FUT8: variants seen among roughly 807,000 people sequenced by gnomAD.
The protein encoded by FUT8 is fucosyltransferase 8, also known as alpha-(1,6)-fucosyltransferase.
Under a neutral mutation model 71.3 loss-of-function variants are expected in FUT8, and 29 were observed. The ratio of observed to expected loss-of-function variants is 0.41; its 90% CI spans 0.30 to 0.55. The LOEUF is 0.55. Among genes scored for constraint, FUT8 ranks in the 20% least tolerant of loss-of-function variants. FUT8 has a pLI of 0.34. For missense variants in FUT8, 544 were observed against 702.1 expected (o/e 0.77, Z 2.55); for synonymous variants, 254 against 239.3 (o/e 1.06, Z -0.57).
chr14:65,432,470 G>A (rs1431096722), intron 1 of FUT8, among the ~76,000 whole-genome samples: 1 of 147,312 alleles, frequency 6.8e-6, no homozygotes, highest in Non-Finnish European at 1.5e-5. Context: ...TGTATTCCCC[G>A]TCAGATTCAT....
At chr14:65,465,651 T>C (rs576144089) in intron 2 of FUT8, among the ~76,000 whole-genome samples, 3 of 152,244 alleles carry the variant, frequency 2.0e-5, no homozygotes, top group Non-Finnish European at 4.4e-5. Context: ...GTGTGTCTAT[T>C]TGTATGGTGT....
intron 2 of FUT8, among the ~76,000 whole-genome samples, chr14:65,459,641 C>G (rs2065944016): frequency 9.9e-5 from 15 of 152,064 alleles, no homozygotes; most frequent in Admixed American, 8.5e-4. Context: ...TGCAATGTCT[C>G]CAGATAGCTG....
At chr14:65,647,481 T>C (rs1282569602) in intron 6 of FUT8, among the ~76,000 whole-genome samples, 1 of 152,210 alleles carries the variant, frequency 6.6e-6, no homozygotes, top group Non-Finnish European at 1.5e-5. Context: ...TTTCTTTCTC[T>C]GGGTTATAAA....
intron 2 of FUT8, among the ~76,000 whole-genome samples, chr14:65,481,745 G>A (rs2066334388): frequency 6.6e-6 from 1 of 151,872 alleles, no homozygotes; most frequent in African/African-American, 2.4e-5. Flanking sequence ...GTCCATTCCT[G>A]TGTTTATTTA....
At chr14:65,659,015 G>C (rs1891829652) in intron 6 of FUT8, among the ~76,000 whole-genome samples, 1 of 152,040 alleles carries the variant, frequency 6.6e-6, no homozygotes, top group South Asian at 2.1e-4. Context: ...TGTAAGTATA[G>C]TAACTCTCTG....
chr14:65,457,781 T>C (rs2065913354), intron 2 of FUT8: 2 of 152,224 alleles, frequency 1.3e-5, no homozygotes, highest in Admixed American at 6.5e-5. Flanking sequence ...TTCTAAGTCA[T>C]GAGTTGATTT....
chr14:65,495,245 TCTAA>T (rs2066541666), intron 2 of FUT8, among the ~76,000 whole-genome samples: 1 of 151,942 alleles, frequency 6.6e-6, no homozygotes, highest in African/African-American at 2.4e-5. Flanking sequence ...GCAAATCTTT[TCTAA>T]CTATGAAAGT....
rs1594663648 is a variant in FUT8, at chr14:65,467,643, A to AT, written c.-228+11931dup. Reference sequence around the variant, plus strand: ...AGGCGCCCATCACCACGCCCAGCTAATTTTTTGTATTTTTAGTAGAGAGGG... The same window carrying AT: ...AGGCGCCCATCACCACGCCCAGCTAATTTTTTTGTATTTTTAGTAGAGAGGG... On this transcript the variant is annotated intron_variant, in intron 2 of 10. Transcript: ENST00000673929. This position sits in a 1 kb window ranked among gnomAD's most constrained non-coding sequence, Gnocchi z 4.1. Among the ~76,000 whole-genome samples the AT allele has an allele frequency of 6.6e-6, 1 of 151,682 alleles. No individual in the cohort carries two copies. Among genetic ancestry groups the AT allele is most frequent in the Admixed American group, 6.6e-5 (1 of 15,218 alleles).
chr14:65,532,530 A>T (rs1320507592), intron 2 of FUT8, among the ~76,000 whole-genome samples: 1 of 152,200 alleles, frequency 6.6e-6, no homozygotes, highest in Non-Finnish European at 1.5e-5. Flanking sequence ...GTTGGAAATT[A>T]GACCTTTGTC....
chr14:65,723,879 T>G (rs572586191), intron 8 of FUT8, among the ~76,000 whole-genome samples: 1 of 152,374 alleles, frequency 6.6e-6, no homozygotes, highest in East Asian at 1.9e-4. Context: ...ATTCCTAAGA[T>G]GTGAATTATT....
rs570614008 is a variant in FUT8 at position 65,643,952 on chromosome 14, G to A, written c.597+14346G>A. On this transcript the variant is annotated intron_variant, in intron 6 of 10. Coordinates refer to ENST00000673929, the MANE Select transcript of FUT8 (RefSeq NM_001371533.1). This position sits in a 1 kb window ranked among gnomAD's most constrained non-coding sequence, Gnocchi z 4.5. The stretch of plus-strand genomic sequence containing the variant: ...GAAATGGCAGGTTTCGCTATAGTTC[G>A]ACTCTGATCTAAGTCACAATACAGT... Among the ~76,000 whole-genome samples the A allele has an allele frequency of 3.4e-3, 523 of 151,834 alleles. 2 individuals are homozygous for A. The highest frequency in any genetic ancestry group is 0.012 in the African/African-American group (495 of 41,398).
chr14:65,484,364 G>A (rs1434647828), intron 2 of FUT8, among the ~76,000 whole-genome samples: 2 of 152,106 alleles, frequency 1.3e-5, no homozygotes, highest in Admixed American at 6.6e-5. Flanking sequence ...TAAGTATGAT[G>A]TTGTAGATTT....
At chr14:65,373,964 G>A in the FUT8 span, among the ~76,000 whole-genome samples, 1 of 152,222 alleles carries the variant, frequency 6.6e-6, no homozygotes, top group Non-Finnish European at 1.5e-5. Flanking sequence ...AACCGGAAGA[G>A]ATCTAACTTG....
intron 2 of FUT8, among the ~76,000 whole-genome samples, chr14:65,547,957 A>G (rs1418842363): frequency 2.0e-5 from 3 of 151,918 alleles, no homozygotes; most frequent in Non-Finnish European, 4.4e-5. Flanking sequence ...AGGATACCAC[A>G]GTATATTTAG....
rs1194969287 is a variant in FUT8, at chr14:65,483,484, T to G, written c.-228+27766T>G. ...CCATATGAATTTAAGAAACAGTATG[T>G]AAATATTTGATTGGAATTGCATCGA... On this transcript the variant is annotated intron_variant, in intron 2 of 10. Transcript: ENST00000673929. The surrounding 1 kb of genome is among the most constrained non-coding windows in gnomAD (Gnocchi z 4.4). Among the ~76,000 whole-genome samples, 1 of 152,242 alleles carries G rather than the reference T, an allele frequency of 6.6e-6. No individual in the cohort carries two copies. The highest frequency in any genetic ancestry group is 2.4e-5 in the African/African-American group (1 of 41,464).
intron 7 of FUT8, among the ~76,000 whole-genome samples, chr14:65,713,595 G>A (rs1451086127): frequency 6.6e-6 from 1 of 151,980 alleles, no homozygotes; most frequent in Non-Finnish European, 1.5e-5. Flanking sequence ...TTTTTTCTGG[G>A]GTTAAATGAT....
intron 7 of FUT8, among the ~76,000 whole-genome samples, chr14:65,689,111 T>G (rs1893448817): frequency 6.6e-6 from 1 of 152,258 alleles, no homozygotes; most frequent in South Asian, 2.1e-4. Context: ...TTATACCATT[T>G]GGCATTTGCA....
chr14:65,442,642 C>T (rs2065679069), intron 1 of FUT8, among the ~76,000 whole-genome samples: 1 of 151,720 alleles, frequency 6.6e-6, no homozygotes. Context: ...TAAGACCAGC[C>T]TGGGCAGCAT....
intron 7 of FUT8, among the ~76,000 whole-genome samples, chr14:65,713,783 C>T (rs1894920986): frequency 6.6e-6 from 1 of 152,106 alleles, no homozygotes; most frequent in Non-Finnish European, 1.5e-5. Flanking sequence ...TTATTTATCT[C>T]TTGTCACATG....
Sources: gnomAD v4.1 joint callset for allele counts (sites outside exome capture counted in the v4.1 genomes callset) on GRCh38, gnomAD v4.1.1 for gene constraint, Gnocchi (gnomAD v3.1) non-coding constraint, MANE v1.5 for transcripts, NCBI Gene and HGNC (gene_info 2026-07-23, HGNC 2026-07-21) for gene names.